Variants in SGCD observed in about 807,000 individuals in gnomAD.
SGCD encodes sarcoglycan delta.
In SGCD, 18 loss-of-function variants were observed where a neutral mutation model predicts 36.6. The ratio of observed to expected loss-of-function variants is 0.49; its 90% CI spans 0.34 to 0.73. SGCD has a LOEUF of 0.73. Ranked by LOEUF, SGCD falls within the 30% of genes least tolerant of loss-of-function variation. The pLI is 0.01. For synonymous variants in SGCD, 133 were observed against 130.6 expected (o/e 1.02, Z -0.12); for missense variants, 387 against 346.7 (o/e 1.12, Z -0.92).
chr5:156,622,300 G>A (rs1762279219), intron 6 of SGCD, among the ~76,000 whole-genome samples: 1 of 151,756 alleles, frequency 6.6e-6, no homozygotes, highest in Non-Finnish European at 1.5e-5. Flanking sequence ...TGGCATGGTG[G>A]TGGGCGCCTG....
intron 3 of SGCD, among the ~76,000 whole-genome samples, chr5:156,237,280 C>T (rs1361448394): frequency 6.6e-6 from 1 of 152,142 alleles, no homozygotes; most frequent in African/African-American, 2.4e-5. Context: ...TTTCTCCTTG[C>T]ACCTTATTTA....
At chr5:156,086,101 A>G (rs1581090369) in intron 1 of SGCD, among the ~76,000 whole-genome samples, 1 of 152,218 alleles carries the variant, frequency 6.6e-6, no homozygotes, top group East Asian at 1.9e-4. Context: ...TGTTATTAAC[A>G]TTTTATCACT....
At chr5:155,919,495 G>T (rs1756826657) in intron 1 of SGCD, among the ~76,000 whole-genome samples, 1 of 152,042 alleles carries the variant, frequency 6.6e-6, no homozygotes. Context: ...AGTATTTATT[G>T]ATTCCTCTCG....
At chr5:156,338,596 T>G (rs1376054833) in intron 2 of SGCD, among the ~76,000 whole-genome samples, 1 of 152,176 alleles carries the variant, frequency 6.6e-6, no homozygotes, top group Non-Finnish European at 1.5e-5. Flanking sequence ...AATGGCAGAC[T>G]TATCACTTTG....
intron 3 of SGCD, among the ~76,000 whole-genome samples, chr5:156,295,154 A>G (rs1766862056): frequency 6.6e-6 from 1 of 152,202 alleles, no homozygotes; most frequent in Non-Finnish European, 1.5e-5. Flanking sequence ...TCTCCTCACT[A>G]GTTATATGTC....
At chr5:155,926,982 T>C (rs1485696956) in intron 1 of SGCD, among the ~76,000 whole-genome samples, 1 of 152,186 alleles carries the variant, frequency 6.6e-6, no homozygotes, top group Admixed American at 6.5e-5. Flanking sequence ...TGGCATCTAG[T>C]GGACAAAGAT....
chr5:155,974,929 T>C (rs1253686021), intron 1 of SGCD, among the ~76,000 whole-genome samples: 2 of 152,092 alleles, frequency 1.3e-5, no homozygotes, highest in African/African-American at 4.8e-5. Flanking sequence ...TTTTCCTTTC[T>C]GCCTACCCTC....
chr5:156,606,388 C>T (rs1371777794), intron 6 of SGCD, among the ~76,000 whole-genome samples: 3 of 152,128 alleles, frequency 2.0e-5, no homozygotes, highest in South Asian at 2.1e-4. Flanking sequence ...GGGCTCTGTT[C>T]TGTTCCATTG....
At chr5:156,133,071 T>C (rs1485393134) in intron 3 of SGCD, among the ~76,000 whole-genome samples, 2 of 152,182 alleles carry the variant, frequency 1.3e-5, no homozygotes, top group Non-Finnish European at 2.9e-5. Context: ...ACACTTACCT[T>C]CTCTTTTGGA....
At chr5:156,657,341 AC>A (rs1763730299) in intron 7 of SGCD, among the ~76,000 whole-genome samples, 1 of 151,424 alleles carries the variant, frequency 6.6e-6, no homozygotes, top group East Asian at 1.9e-4. Flanking sequence ...GGTGTGCTGC[AC>A]CCATTAACTG....
intron 3 of SGCD, among the ~76,000 whole-genome samples, chr5:156,303,036 C>T (rs1767096053): frequency 6.6e-6 from 1 of 152,222 alleles, no homozygotes; most frequent in Non-Finnish European, 1.5e-5. Context: ...TTCAGCCAGA[C>T]TTTTGTCCTT....
At chr5:156,471,001 G>A (rs7720922) in intron 3 of SGCD, among the ~76,000 whole-genome samples, 10,907 of 152,126 alleles carry the variant, frequency 0.072, 726 homozygotes, top group African/African-American at 0.18. Flanking sequence ...GGATTCATCT[G>A]TTCAAATTTA....
At chr5:156,396,515 G>A (rs74390344) in intron 3 of SGCD, among the ~76,000 whole-genome samples, 2,079 of 152,256 alleles carry the variant, frequency 0.014, 21 homozygotes, top group Non-Finnish European at 0.023. Context: ...AATATTTCAT[G>A]CCCTTGTTGG....
At chr5:156,184,239 C>T (rs957006704) in intron 3 of SGCD, among the ~76,000 whole-genome samples, 1 of 152,240 alleles carries the variant, frequency 6.6e-6, no homozygotes. Context: ...AACGCTTTCA[C>T]ACCATTAGAA....
At chr5:156,074,335 A>G (rs1300140622) in intron 1 of SGCD, among the ~76,000 whole-genome samples, 2 of 152,134 alleles carry the variant, frequency 1.3e-5, no homozygotes, top group African/African-American at 4.8e-5. Flanking sequence ...AAAAGACACA[A>G]TCCAAATGCC....
chr5:156,086,963 T>A (rs139917725), intron 1 of SGCD, among the ~76,000 whole-genome samples: 1,664 of 152,298 alleles, frequency 0.011, 17 homozygotes, highest in Middle Eastern at 0.071. Context: ...ACTGATTTAC[T>A]TGGAGTTGAA....
intron 3 of SGCD, among the ~76,000 whole-genome samples, chr5:156,492,106 G>A (rs115010552): frequency 0.015 from 2,218 of 152,246 alleles, 21 homozygotes; most frequent in Middle Eastern, 0.031. Context: ...AGGAGTGTGT[G>A]ATGGATATAG....
chr5:156,718,245 C>A (rs966320925), intron 7 of SGCD, among the ~76,000 whole-genome samples: 1 of 152,092 alleles, frequency 6.6e-6, no homozygotes, highest in Non-Finnish European at 1.5e-5. Flanking sequence ...CTATGCAGTA[C>A]ACATGAGGAG....
intron 3 of SGCD, among the ~76,000 whole-genome samples, chr5:156,131,933 T>C (rs181956971): frequency 1.3e-4 from 20 of 152,386 alleles, no homozygotes; most frequent in South Asian, 6.2e-4. Context: ...GCATCAGTCT[T>C]TATTTTATCT....
Sources: gnomAD v4.1 joint callset for allele counts (sites outside exome capture counted in the v4.1 genomes callset) on GRCh38, gnomAD v4.1.1 for gene constraint, MANE v1.5 for transcripts, NCBI Gene and HGNC (gene_info 2026-07-23, HGNC 2026-07-21) for gene names.